ISG20L2: variants seen among roughly 807,000 people sequenced by gnomAD.
The protein encoded by ISG20L2 is interferon stimulated exonuclease gene 20 like 2.
A neutral mutation model predicts 27.8 loss-of-function variants in ISG20L2; 14 were observed. The ratio of observed to expected loss-of-function variants is 0.50; its 90% CI spans 0.33 to 0.79. ISG20L2 has a LOEUF of 0.79. ISG20L2 is among the 30% of genes least tolerant of loss of function. The pLI, the probability that ISG20L2 is intolerant of heterozygous loss-of-function variation, is 0.02. For missense variants in ISG20L2, 393 were observed against 435.1 expected (o/e 0.90, Z 0.86); for synonymous variants, 157 against 165.7 (o/e 0.95, Z 0.40).
chr1:156,725,895 G>A (rs1648734260), intron 2 of ISG20L2: 1 of 985,450 alleles, frequency 1.0e-6, no homozygotes, highest in Non-Finnish European at 1.2e-6. Context: ...CGCATATAAG[G>A]CATTATGGGA....
chr1:156,725,907 C>G (rs1648735555), intron 2 of ISG20L2: 2 of 985,528 alleles, frequency 2.0e-6, no homozygotes, highest in African/African-American at 3.5e-5. Context: ...ATTATGGGAA[C>G]AGCGTGTCCA....
chr1:156,728,693 G>A lies in ISG20L2; in HGVS notation c.-396C>T, dbSNP rs1038109767. 6 of 990,780 alleles carry A rather than the reference G, an allele frequency of 6.1e-6. No individual in the cohort carries two copies. The highest frequency in any genetic ancestry group is 6.0e-6 in the Non-Finnish European group (5 of 832,946). The allele number at this position is 990,780 out of a possible 1,614,324, so 61.4% of individuals were successfully genotyped here. A position where few individuals can be genotyped will look rare whatever the true frequency, so the allele number is the denominator to read the frequency against. On this transcript the variant is annotated 5_prime_UTR_variant, in exon 1 of 4. Transcript: ENST00000368219. Reference sequence around the variant, plus strand: ...CGTGGTGGTACAACGCGAAGGTGTGGGAAGGCCGCGATAAACCGGAACTGC... The same window carrying A: ...CGTGGTGGTACAACGCGAAGGTGTGAGAAGGCCGCGATAAACCGGAACTGC...
chr1:156,728,690 G>A lies in ISG20L2; in HGVS notation c.-393C>T, dbSNP rs1378799238. ...CCCCGTGGTGGTACAACGCGAAGGT[G>A]TGGGAAGGCCGCGATAAACCGGAAC... On this transcript the variant is annotated 5_prime_UTR_variant, in exon 1 of 4. Coordinates refer to ENST00000368219, the MANE Select transcript of ISG20L2 (RefSeq NM_001370150.2). 4.0e-6 allele frequency: 4 copies of A among 991,052 alleles called. No individual in the cohort carries two copies. Among genetic ancestry groups the A allele is most frequent in the African/African-American group, 3.5e-5 (2 of 57,362 alleles). The allele number at this position is 991,052 out of a possible 1,614,324, so 61.4% of individuals were successfully genotyped here. A position where few individuals can be genotyped will look rare whatever the true frequency, so the allele number is the denominator to read the frequency against.
chr1:156,723,751 A>G, intron 3 of ISG20L2: 1 of 985,406 alleles, frequency 1.0e-6, no homozygotes, highest in Non-Finnish European at 1.2e-6. Context: ...AGGTCTTCTG[A>G]GTCTTCCACT....
At chr1:156,726,823 C>T in intron 2 of ISG20L2, 83 bp downstream of exon 2, 1 of 1,532,274 alleles carries the variant, frequency 6.5e-7, no homozygotes, top group African/African-American at 1.4e-5. Context: ...TGGTGTCTTC[C>T]CATAGTGATA....
chr1:156,727,468 CCTTT>C lies in ISG20L2; in HGVS notation c.181_184del (p.Lys61GlyfsTer40). 1.9e-6 allele frequency: 3 copies of C among 1,613,924 alleles called. No individual in the cohort carries two copies. The South Asian group carries it at 3.3e-5, about 18-fold the overall frequency. On this transcript the variant is annotated frameshift_variant, in exon 2 of 4. Coordinates refer to ENST00000368219, the MANE Select transcript of ISG20L2 (RefSeq NM_001370150.2). LOFTEE classifies it high-confidence loss of function. Reference sequence around the variant, plus strand: ...AGTGCCATCGACCGTAGGAGTTTCCCCTTTCTTTGAAGGTTCAGAGTGCAACTTA... The same window carrying C: ...AGTGCCATCGACCGTAGGAGTTTCCCCTTTGAAGGTTCAGAGTGCAACTTA...
chr1:156,724,700 T>C, intron 2 of ISG20L2: 1 of 1,026,824 alleles, frequency 9.7e-7, no homozygotes, highest in Non-Finnish European at 1.2e-6. Flanking sequence ...GTCCTTTAAC[T>C]ATTACCATTA....
rs778076488 is a variant in ISG20L2, at chr1:156,723,322, CTCA to C, written c.*24_*26del. On this transcript the variant is annotated 3_prime_UTR_variant, in exon 4 of 4. Transcript: ENST00000368219. ...TTCTCCTGGGTGCTGCCTCTGCCTC[CTCA>C]TATCACCAGCGTCCCCACTGCCACT... 2.5e-4 allele frequency: 400 copies of C among 1,613,620 alleles called. No individual in the cohort carries two copies. Among genetic ancestry groups the C allele is most frequent in the Non-Finnish European group, 3.2e-4 (372 of 1,179,858 alleles).
intron 2 of ISG20L2, chr1:156,726,378 T>C: frequency 1.0e-6 from 1 of 985,442 alleles, no homozygotes; most frequent in Non-Finnish European, 1.2e-6. Context: ...TATTTTTCTA[T>C]GCAGATTCCC....
Position 156,724,286 on chromosome 1 carries a change from G to A in ISG20L2, c.810C>T (p.Ala270=), listed in dbSNP as rs201545907. The stretch of plus-strand genomic sequence containing the variant: ...GGGACTTGGGGTGAAAGTACTGAAG[G>A]GCTTTGAAGTCGTTGTGGATGGCAT... ...VGHAIHNDFK[A]LQYFHPKSLT... The change falls in exon 3 of 4, where the codon GCC becomes GCT. Residue 270 remains alanine (A), a synonymous_variant. Coordinates refer to ENST00000368219, the MANE Select transcript of ISG20L2 (RefSeq NM_001370150.2). The A allele has an allele frequency of 3.1e-6, 5 of 1,613,950 alleles. No individual in the cohort carries two copies. Among genetic ancestry groups the A allele is most frequent in the African/African-American group, 2.7e-5 (2 of 74,902 alleles).
intron 3 of ISG20L2, 95 bp downstream of exon 3, chr1:156,724,050 ATCT>A (rs1403281190): frequency 1.6e-6 from 2 of 1,221,960 alleles, no homozygotes; most frequent in African/African-American, 3.0e-5. Flanking sequence ...GCCCACCTGG[ATCT>A]CTACAACCAC....
chr1:156,728,360 A>G, intron 1 of ISG20L2, 55 bp downstream of exon 1: 1 of 985,630 alleles, frequency 1.0e-6, no homozygotes, highest in Non-Finnish European at 1.2e-6. Flanking sequence ...CCACCTGGAT[A>G]AGCATACTTC....
chr1:156,724,189 G>C lies in ISG20L2; in HGVS notation c.907C>G (p.Leu303Val). The C allele has an allele frequency of 6.2e-7, 1 of 1,613,922 alleles. No individual in the cohort carries two copies. The highest frequency in any genetic ancestry group is 8.5e-7 in the Non-Finnish European group (1 of 1,179,992). ...AGCAGCTTCTTGGTGAGATGCTTCA[G>C]AGACATGGTGGCATTCTCCGGGCAG... ...ADCPENATMS[L>V]KHLTKKLLNR... The change falls in exon 3 of 4, where the codon CTG (leucine) becomes GTG (valine). Residue 303 changes from leucine to valine, a missense_variant. Around this residue, in one of 3 missense-constraint regions of ISG20L2, gnomAD observed 171 missense variants for 195.3 expected, o/e 0.88. Transcript: ENST00000368219.
At position 156,727,714 on chromosome 1, in the gene ISG20L2, G is replaced by T; in HGVS notation, c.-62C>A. On this transcript the variant is annotated 5_prime_UTR_variant, in exon 2 of 4. Transcript: ENST00000368219. ...TGGCTTATGGATGAAAAGAGGATGT[G>T]GGACTCATTCTCTGCTGAATCCTAC... 3 of 1,556,720 alleles carry T rather than the reference G, an allele frequency of 1.9e-6. No individual in the cohort carries two copies. In the East Asian group the frequency reaches 6.7e-5, roughly 35 times the overall value.
intron 1 of ISG20L2, 64 bp downstream of exon 1, chr1:156,728,351 C>T: frequency 1.0e-6 from 1 of 985,726 alleles, no homozygotes. Flanking sequence ...TGAGGCAGCC[C>T]ACCTGGATAA....
chr1:156,728,613 G>C lies in ISG20L2; in HGVS notation c.-316C>G, dbSNP rs1189673996. The C allele has an allele frequency of 5.1e-6, 5 of 985,640 alleles. No individual in the cohort carries two copies. Among genetic ancestry groups the C allele is most frequent in the East Asian group, 1.1e-4 (1 of 8,826 alleles). The allele number at this position is 985,640 out of a possible 1,614,324, so 61.1% of individuals were successfully genotyped here. The stretch of plus-strand genomic sequence containing the variant: ...GAGGAGCGGCAGTGGCGGCGGAGGA[G>C]GGGGCGGCGTGGGTGGGGGCGGGGG... On this transcript the variant is annotated 5_prime_UTR_variant, in exon 1 of 4. Coordinates refer to ENST00000368219, the MANE Select transcript of ISG20L2 (RefSeq NM_001370150.2).
At chr1:156,723,592 A>G in intron 3 of ISG20L2, 130 bp from the exon 4 acceptor site, 1 of 1,477,622 alleles carries the variant, frequency 6.8e-7, no homozygotes, top group African/African-American at 1.4e-5. Flanking sequence ...GCCTACAAAG[A>G]CAGAATTCTG....
intron 1 of ISG20L2, chr1:156,728,200 A>G: frequency 3.0e-6 from 3 of 986,022 alleles, no homozygotes; most frequent in Non-Finnish European, 3.6e-6. Flanking sequence ...GTGGACCACC[A>G]ATAGAGACAC....
intron 3 of ISG20L2, 24 bp from the exon 4 acceptor site, chr1:156,723,486 G>A (rs201312339): frequency 1.2e-6 from 2 of 1,613,866 alleles, no homozygotes; most frequent in East Asian, 2.2e-5. Context: ...GAAGACAAGA[G>A]CATGAAGAGA....
Sources: allele counts gnomAD v4.1 joint callset, GRCh38; gene constraint gnomAD v4.1.1; regional missense constraint gnomAD v4.1.1; transcripts MANE v1.5; gene names NCBI Gene and HGNC (gene_info 2026-07-23, HGNC 2026-07-21).